The following SETDB1 variants were observed in gnomAD, a reference collection of about 807,000 sequenced individuals.
SETDB1 encodes histone-lysine N-methyltransferase SETDB1.
SETDB1 carries 31 observed loss-of-function variants against 137.4 expected under a neutral mutation model. The observed-to-expected ratio is 0.23, with a 90% CI of 0.17 to 0.30. The LOEUF is 0.30. Ranked by LOEUF, SETDB1 falls within the 10% of genes least tolerant of loss-of-function variation. The pLI is 1.00. For missense variants in SETDB1, 1,113 were observed against 1,631.5 expected, an observed-to-expected ratio of 0.68 and a Z score of 5.47; for synonymous variants, 548 against 579.9, an observed-to-expected ratio of 0.95 and a Z score of 0.79.
chr1:150,927,005 A>G (rs901448563), intron 1 of SETDB1, among the ~76,000 whole-genome samples: 6 of 152,250 alleles, frequency 3.9e-5, no homozygotes, highest in Admixed American at 6.5e-5. Context: ...CTCCATCCCC[A>G]GGTGGGGTTT....
chr1:150,936,570 A>G (rs1480758886), intron 3 of SETDB1, among the ~76,000 whole-genome samples: 1 of 152,216 alleles, frequency 6.6e-6, no homozygotes, highest in East Asian at 1.9e-4. Flanking sequence ...GAGATTACAG[A>G]TAACACTACT....
In SETDB1 at chr1:150,927,746, A is replaced by G; in HGVS notation, c.32A>G (p.Asp11Gly). 1 of 1,614,154 alleles carries G rather than the reference A, an allele frequency of 6.2e-7. No homozygotes were observed. Among genetic ancestry groups the G allele is most frequent in the Non-Finnish European group, 8.5e-7 (1 of 1,179,990 alleles). ...TCCCTTCCTGGGTGCATTGGTTTGGATGCAGCAACAGCTACAGTGGAGTCT... is the reference window on the plus strand; with the variant it reads ...TCCCTTCCTGGGTGCATTGGTTTGGGTGCAGCAACAGCTACAGTGGAGTCT... MSSLPGCIGL[D>G]AATATVESEE... The change falls in exon 2 of 22, where the codon GAT becomes GGT. Residue 11 changes from aspartate (D) to glycine (G), a missense_variant. Physicochemically the swap from Asp to Gly is moderately conservative, Grantham distance 94. Coordinates refer to ENST00000692827, the MANE Select transcript of SETDB1 (RefSeq NM_001366418.1).
At chr1:150,958,237 T>C (rs1362937785) in intron 14 of SETDB1, among the ~76,000 whole-genome samples, 3 of 142,520 alleles carry the variant, frequency 2.1e-5, no homozygotes, top group African/African-American at 7.7e-5. Context: ...TTTTTTTTTT[T>C]CTTTTTTTTC....
At chr1:150,926,652 C>CGAATGGGTAGGACGCACCCCTA (rs1669528486) in intron 1 of SETDB1, 135 bp downstream of exon 1, 4 of 481,376 alleles carry the variant, frequency 8.3e-6, no homozygotes, top group South Asian at 6.0e-5. Context: ...ACTGGGTTTG[C>CGAATGGGTAGGACGCACCCCTA]GAATGGGTAG....
intron 2 of SETDB1, 107 bp downstream of exon 2, chr1:150,928,081 G>A (rs181800938): frequency 2.3e-6 from 3 of 1,321,442 alleles, no homozygotes; most frequent in Middle Eastern, 2.7e-4. Context: ...GTTTTGAGAC[G>A]GAGTCTCGCT....
chr1:150,929,131 A>G (rs892939935), intron 2 of SETDB1, among the ~76,000 whole-genome samples: 18 of 152,264 alleles, frequency 1.2e-4, no homozygotes, highest in Middle Eastern at 3.4e-3. Context: ...GCTGGGTCAA[A>G]TGGTATTTCT....
intron 15 of SETDB1, 23 bp downstream of exon 15, chr1:150,959,370 T>C: frequency 1.3e-6 from 2 of 1,584,742 alleles, no homozygotes; most frequent in Non-Finnish European, 8.6e-7. Flanking sequence ...ATATAAGGGT[T>C]GTTTCCTGAG....
At chr1:150,948,165 G>A (rs756366543) in intron 10 of SETDB1, among the ~76,000 whole-genome samples, 5 of 151,764 alleles carry the variant, frequency 3.3e-5, no homozygotes, top group African/African-American at 4.8e-5. Context: ...GGATTTCAAG[G>A]TTACAATGAG....
At position 150,949,318 on chromosome 1, in the gene SETDB1, T is replaced by C. The variant is rs369693967; in HGVS notation, c.1424+40T>C. 3 of 1,612,552 alleles carry C rather than the reference T, an allele frequency of 1.9e-6. No homozygotes were observed. The South Asian group carries it at 3.3e-5, about 18-fold the overall frequency. On this transcript the variant is annotated intron_variant, in intron 11 of 21. Transcript: ENST00000692827. ...TTCTTTTTCTTCAGTTTCTTTCATA[T>C]TATATTTTCCACATCCCTTACTATA...
chr1:150,956,385 C>CAAAA (rs5777743), intron 14 of SETDB1, among the ~76,000 whole-genome samples: 1 of 116,856 alleles, frequency 8.6e-6, no homozygotes. Flanking sequence ...GACTCCGCCT[C>CAAAA]AAAAAAAAAA....
chr1:150,926,577 G>T, intron 1 of SETDB1, 60 bp downstream of exon 1: 1 of 392,906 alleles, frequency 2.5e-6, no homozygotes, highest in Non-Finnish European at 5.0e-6. Flanking sequence ...CGTTTTGTTT[G>T]TGGGAGGGGG....
chr1:150,930,237 C>T (rs746508676), intron 3 of SETDB1, 119 bp downstream of exon 3: 2 of 890,900 alleles, frequency 2.2e-6, no homozygotes, highest in South Asian at 3.5e-5. Flanking sequence ...ATATTTCTAA[C>T]TGCCTGAGTT....
At chr1:150,960,071 C>T (rs1445896557) in intron 15 of SETDB1, among the ~76,000 whole-genome samples, 1 of 145,038 alleles carries the variant, frequency 6.9e-6, no homozygotes, top group East Asian at 2.1e-4. Flanking sequence ...GAAACTCTGT[C>T]TCAAAAACAA....
rs1051700739 is a variant in SETDB1, at chr1:150,961,274, G to A, written c.3132+83G>A. 220 of 1,363,258 alleles carry A rather than the reference G, an allele frequency of 1.6e-4. 1 individual carries two copies. Among genetic ancestry groups the A allele is most frequent in the Non-Finnish European group, 1.5e-4 (144 of 977,640 alleles). The allele number at this position is 1,363,258 out of a possible 1,614,324, so 84.4% of individuals were successfully genotyped here. A position where few individuals can be genotyped will look rare whatever the true frequency, so the allele number is the denominator to read the frequency against. The stretch of plus-strand genomic sequence containing the variant: ...GCAGTCTCACCATGAGTCTTTGCAT[G>A]TAGATTATTCTACTTGATGGATATT... On this transcript the variant is annotated intron_variant, in intron 16 of 21. Transcript: ENST00000692827.
intron 13 of SETDB1, 66 bp from the exon 14 acceptor site, chr1:150,951,299 G>A (rs1435789011): frequency 2.4e-6 from 3 of 1,237,904 alleles, no homozygotes; most frequent in Non-Finnish European, 3.6e-6. Context: ...TTGGGTACAT[G>A]TGTATTGTGT....
chr1:150,947,757 A>G lies in SETDB1; in HGVS notation c.1267+745A>G, dbSNP rs587599611. Among the ~76,000 whole-genome samples, 8 of 152,336 alleles carry G rather than the reference A, an allele frequency of 5.3e-5. 1 individual carries two copies. In the South Asian group the frequency reaches 1.4e-3, roughly 28 times the overall value. Reference sequence around the variant, plus strand: ...GCCACTGCACTCCAGCCTGGGTGACAGAACGAGACCCTGTCTCAGAAACAA... The same window carrying G: ...GCCACTGCACTCCAGCCTGGGTGACGGAACGAGACCCTGTCTCAGAAACAA... On this transcript the variant is annotated intron_variant, in intron 10 of 21. Transcript: ENST00000692827.
At chr1:150,937,027 C>T (rs989496459) in intron 3 of SETDB1, among the ~76,000 whole-genome samples, 1 of 151,836 alleles carries the variant, frequency 6.6e-6, no homozygotes, top group African/African-American at 2.4e-5. Context: ...GGGGAGGCAG[C>T]GGCACAAGAA....
At chr1:150,928,944 A>G (rs1014202889) in intron 2 of SETDB1, among the ~76,000 whole-genome samples, 2 of 152,210 alleles carry the variant, frequency 1.3e-5, no homozygotes, top group Non-Finnish European at 2.9e-5. Context: ...TTATGGCTGC[A>G]TAGTATTCCA....
chr1:150,948,990 AT>A, intron 10 of SETDB1, 131 bp from the exon 11 acceptor site: 3 of 909,716 alleles, frequency 3.3e-6, no homozygotes, highest in Non-Finnish European at 5.0e-6. Context: ...AACTGCTGGG[AT>A]TACAGGCAAG....
Sources: gnomAD v4.1 joint callset for allele counts (sites outside exome capture counted in the v4.1 genomes callset) on GRCh38, gnomAD v4.1.1 for gene constraint, MANE v1.5 for transcripts, NCBI Gene and HGNC (gene_info 2026-07-23, HGNC 2026-07-21) for gene names.